Variants in DNAAF4 observed in about 807,000 individuals in gnomAD.
DNAAF4 encodes dynein axonemal assembly factor 4, also known as dynein assembly factor 4, axonemal.
Under a neutral mutation model 51.8 loss-of-function variants are expected in DNAAF4, and 43 were observed. That is an observed-to-expected ratio of 0.83 (90% CI 0.65 to 1.07). The LOEUF is 1.07. Among genes scored for constraint, DNAAF4 ranks in the 50% least tolerant of loss-of-function variants. DNAAF4 has a pLI of 0.00. For missense variants in DNAAF4, 581 were observed against 493.0 expected, an observed-to-expected ratio of 1.18 and a Z score of -1.69; for synonymous variants, 194 against 165.6, an observed-to-expected ratio of 1.17 and a Z score of -1.32.
Position 55,498,489 on chromosome 15 carries a change from G to C in DNAAF4, c.-160C>G. 1 of 1,063,258 alleles carries C rather than the reference G, an allele frequency of 9.4e-7. No homozygotes were observed. The highest frequency in any genetic ancestry group is 1.3e-6 in the Non-Finnish European group (1 of 767,402). The allele number at this position is 1,063,258 out of a possible 1,614,324, so 65.9% of individuals were successfully genotyped here. The stretch of plus-strand genomic sequence containing the variant: ...GGCGCCAGCACCTCGCGGACTCCAT[G>C]CGTGACTATCCAGGCGCCCAGACCA... On this transcript the variant is annotated 5_prime_UTR_variant, in exon 2 of 10. Coordinates refer to ENST00000321149, the MANE Select transcript of DNAAF4 (RefSeq NM_130810.4).
At chr15:55,435,383 T>C (rs1198511326) in intron 7 of DNAAF4, among the ~76,000 whole-genome samples, 1 of 152,154 alleles carries the variant, frequency 6.6e-6, no homozygotes, top group Non-Finnish European at 1.5e-5. Flanking sequence ...TGTGGGTTGG[T>C]TTCAAAGTTG....
intron 3 of DNAAF4, among the ~76,000 whole-genome samples, chr15:55,492,849 CA>C (rs2058593321): frequency 1.3e-5 from 2 of 152,136 alleles, no homozygotes. Context: ...AATTGTGATA[CA>C]CGATTATGTG....
chr15:55,501,648 T>G (rs1232092074), intron 1 of DNAAF4, among the ~76,000 whole-genome samples: 3 of 151,812 alleles, frequency 2.0e-5, no homozygotes, highest in African/African-American at 4.8e-5. Flanking sequence ...GTGCCGGGAT[T>G]ACAGGTGTAA....
chr15:55,418,657 T>TA (rs1566992990), intron 7 of DNAAF4: 6 of 939,264 alleles, frequency 6.4e-6, no homozygotes, highest in Non-Finnish European at 9.0e-6. Context: ...ATAAAGAAGA[T>TA]AAAAAGTTTT....
intron 5 of DNAAF4, 89 bp from the exon 6 acceptor site, chr15:55,450,456 C>A: frequency 7.4e-7 from 1 of 1,342,374 alleles, no homozygotes; most frequent in Non-Finnish European, 1.0e-6. Context: ...TCAAAGCTCA[C>A]CCCCAAATCC....
intron 5 of DNAAF4, among the ~76,000 whole-genome samples, chr15:55,465,130 G>A (rs1487584145): frequency 1.3e-5 from 2 of 151,636 alleles, no homozygotes; most frequent in African/African-American, 2.4e-5. Flanking sequence ...GTGGTGAAAA[G>A]GGACACTTTT....
chr15:55,443,378 G>A (rs796164791), intron 6 of DNAAF4: 43 of 668,244 alleles, frequency 6.4e-5, no homozygotes, highest in South Asian at 2.2e-4. Flanking sequence ...CGTGCAGGCC[G>A]TGGGGCCGCA....
At chr15:55,417,890 G>A (rs1490075648) in exon 8 of DNAAF4, 1 of 427,222 alleles carries the variant, frequency 2.3e-6, no homozygotes, top group Non-Finnish European at 4.2e-6. Flanking sequence ...AGTCAAAGGG[G>A]GTTATTCTGT....
intron 5 of DNAAF4, among the ~76,000 whole-genome samples, chr15:55,466,259 C>A (rs1595923754): frequency 6.6e-6 from 1 of 151,876 alleles, no homozygotes; most frequent in South Asian, 2.1e-4. Flanking sequence ...CTCGTCTCTA[C>A]AAAAAATACA....
intron 8 of DNAAF4, 72 bp downstream of exon 8, chr15:55,434,827 CAGAAAA>C: frequency 8.6e-7 from 1 of 1,162,916 alleles, no homozygotes; most frequent in Admixed American, 3.0e-5. Flanking sequence ...TTCAACTGAA[CAGAAAA>C]AGATCATCAT....
At chr15:55,458,483 A>G (rs1360373813) in intron 5 of DNAAF4, among the ~76,000 whole-genome samples, 3 of 152,122 alleles carry the variant, frequency 2.0e-5, no homozygotes, top group Non-Finnish European at 4.4e-5. Context: ...CCAATCCAAC[A>G]AAGACAAAGA....
intron 6 of DNAAF4, among the ~76,000 whole-genome samples, chr15:55,448,292 G>A (rs373035193): frequency 6.6e-6 from 1 of 152,072 alleles, no homozygotes; most frequent in East Asian, 1.9e-4. Context: ...GCTTTTTGAT[G>A]TGCTGCTGCA....
intron 1 of DNAAF4, among the ~76,000 whole-genome samples, chr15:55,504,530 G>T (rs1030925896): frequency 6.6e-6 from 1 of 152,090 alleles, no homozygotes; most frequent in African/African-American, 2.4e-5. Flanking sequence ...TATACTACAA[G>T]GCTACAGTAA....
downstream of DNAAF4, among the ~76,000 whole-genome samples, chr15:55,428,117 C>T (rs975259880): frequency 4.0e-5 from 6 of 151,836 alleles, no homozygotes; most frequent in Non-Finnish European, 8.8e-5. Flanking sequence ...CCATGCCCGG[C>T]TAATTTTTGT....
Position 55,491,107 on chromosome 15 carries a change from T to A in DNAAF4, c.405+16A>T. On this transcript the variant is annotated intron_variant, in intron 4 of 9. Transcript: ENST00000321149. Reference sequence around the variant, plus strand: ...ATTATCTCTTTAGAGGACTTGCCTGTCATTCTGCAACTTACCTTCATCATG... The same window carrying A: ...ATTATCTCTTTAGAGGACTTGCCTGACATTCTGCAACTTACCTTCATCATG... 6.2e-7 allele frequency: 1 copy of A among 1,613,932 alleles called. No individual in the cohort carries two copies. The highest frequency in any genetic ancestry group is 8.5e-7 in the Non-Finnish European group (1 of 1,179,960).
intron 6 of DNAAF4, among the ~76,000 whole-genome samples, chr15:55,440,528 A>C (rs2414416): frequency 6.6e-6 from 1 of 150,740 alleles, no homozygotes; most frequent in Admixed American, 6.6e-5. Context: ...ACAGGCACCC[A>C]CCACCACACC....
intron 1 of DNAAF4, among the ~76,000 whole-genome samples, chr15:55,501,017 A>G (rs892567172): frequency 2.8e-5 from 4 of 140,456 alleles, no homozygotes; most frequent in Non-Finnish European, 6.0e-5. Context: ...AAAAAAATGG[A>G]AACTTAAAAA....
intron 4 of DNAAF4, among the ~76,000 whole-genome samples, chr15:55,488,008 T>C (rs2058516618): frequency 6.6e-6 from 1 of 152,170 alleles, no homozygotes; most frequent in Non-Finnish European, 1.5e-5. Context: ...GTTTTCCCTC[T>C]CTTTCTACCA....
chr15:55,452,639 T>A (rs1284304252), intron 5 of DNAAF4, among the ~76,000 whole-genome samples: 1 of 152,194 alleles, frequency 6.6e-6, no homozygotes. Flanking sequence ...TGCAATTTTA[T>A]GAAAAGGTAA....
Sources: gnomAD v4.1 joint callset for allele counts (sites outside exome capture counted in the v4.1 genomes callset) on GRCh38, gnomAD v4.1.1 for gene constraint, MANE v1.5 for transcripts, NCBI Gene and HGNC (gene_info 2026-07-23, HGNC 2026-07-21) for gene names.